The following PRR33 variants were observed in gnomAD, a reference collection of about 807,000 sequenced individuals.
PRR33 encodes the protein proline-rich protein 33.
A neutral mutation model predicts 0.5 loss-of-function variants in PRR33; 1 was observed. The ratio of observed to expected loss-of-function variants is 2.18; its 90% CI spans 0.77 to 10.34. The LOEUF is 10.34. Among genes scored for constraint, PRR33 ranks in the 30% most tolerant of loss-of-function variants. The pLI is 0.13. For synonymous variants in PRR33, 226 were observed against 110.0 expected, an observed-to-expected ratio of 2.06 and a Z score of -6.60; for missense variants, 552 against 251.8, an observed-to-expected ratio of 2.19 and a Z score of -8.07.
At chr11:1,903,536 A>T in the PRR33 span, among the ~76,000 whole-genome samples, 1 of 152,352 alleles carries the variant, frequency 6.6e-6, no homozygotes, top group East Asian at 1.9e-4. Context: ...GGCATCCCTG[A>T]TGAGGCTAAT....
exon 1 of PRR33, chr11:1,890,342 C>A (rs866562938): frequency 8.4e-6 from 6 of 714,854 alleles, no homozygotes; most frequent in Admixed American, 4.0e-5. Flanking sequence ...CAGCAGCGTG[C>A]GGGGCTGTGA....
At chr11:1,893,831 G>T (rs1460873960), upstream of PRR33, among the ~76,000 whole-genome samples, 2 of 151,346 alleles carry the variant, frequency 1.3e-5, no homozygotes, top group Non-Finnish European at 2.9e-5. Context: ...ATGTGTGGAT[G>T]GGTAGATGAA....
the PRR33 span, among the ~76,000 whole-genome samples, chr11:1,917,039 C>A: frequency 1.3e-5 from 2 of 152,244 alleles, no homozygotes; most frequent in Admixed American, 1.3e-4. Context: ...ATCTGCAGAA[C>A]GAGTCAATGA....
rs140195838 is a variant in PRR33, at chr11:1,890,809, C to T, written c.-225G>A. The T allele has an allele frequency of 1.4e-3, 822 of 580,380 alleles. 4 individuals are homozygous for T. Among genetic ancestry groups the T allele is most frequent in the Middle Eastern group, 4.1e-3 (9 of 2,174 alleles). The allele number at this position is 580,380 out of a possible 1,614,324, so 36.0% of individuals were successfully genotyped here. ...CCATCACCCTAGTGTAGAAATGAGG[C>T]CACAGAGGCCGAGTCCCTCCAGGGA... On this transcript the variant is annotated 5_prime_UTR_variant, in exon 1 of 1. An upstream open reading frame in the 5' UTR gains an earlier in-frame stop. Coordinates refer to ENST00000640310, the Ensembl canonical transcript of PRR33.
At chr11:1,897,256 A>C in the PRR33 span, among the ~76,000 whole-genome samples, 1 of 152,206 alleles carries the variant, frequency 6.6e-6, no homozygotes, top group African/African-American at 2.4e-5. This position sits in a 1 kb window ranked among gnomAD's most constrained non-coding sequence, Gnocchi z 4.0. Context: ...GCTTTACGCC[A>C]AGCTTAATTT....
chr11:1,896,898 T>C, the PRR33 span, among the ~76,000 whole-genome samples: 1 of 152,206 alleles, frequency 6.6e-6, no homozygotes, highest in Non-Finnish European at 1.5e-5. Context: ...AGAAAAACCT[T>C]AGACAAATTA....
the PRR33 span, among the ~76,000 whole-genome samples, chr11:1,903,770 C>T: frequency 6.6e-6 from 1 of 152,132 alleles, no homozygotes; most frequent in Non-Finnish European, 1.5e-5. Flanking sequence ...CTTAGATCCT[C>T]GTGATCAACT....
rs764685600 is a variant in PRR33 at position 1,890,124 on chromosome 11, A to G, written c.461T>C (p.Val154Ala). 224 of 716,986 alleles carry G rather than the reference A, an allele frequency of 3.1e-4. 3 individuals carry two copies. In the Middle Eastern group the frequency reaches 7.1e-3, roughly 23 times the overall value. The allele number at this position is 716,986 out of a possible 1,614,324, so 44.4% of individuals were successfully genotyped here. A position where few individuals can be genotyped will look rare whatever the true frequency, so the allele number is the denominator to read the frequency against. The change falls in exon 1 of 1, where the codon GTA becomes GCA. Residue 154 changes from valine (V) to alanine (A), a missense_variant. Val to Ala is a moderately conservative substitution (Grantham distance 64). Transcript: ENST00000640310. ...CCGGGTAGGTTCTGGGGCCGAGGCT[A>G]CAACCTGGGGCCCCATGGCCCTGAA...
At chr11:1,908,233 A>T in the PRR33 span, among the ~76,000 whole-genome samples, 1 of 152,160 alleles carries the variant, frequency 6.6e-6, no homozygotes, top group Admixed American at 6.5e-5. Flanking sequence ...TTCGGCTCTG[A>T]TGTTCCAAAT....
chr11:1,889,297 G>T (rs1403290054), exon 1 of PRR33: 1 of 699,950 alleles, frequency 1.4e-6, no homozygotes, highest in Non-Finnish European at 2.6e-6. Flanking sequence ...AGGCGGGTGA[G>T]GCTGGCTGGG....
chr11:1,889,335 A>G, exon 1 of PRR33: 1 of 710,890 alleles, frequency 1.4e-6, no homozygotes, highest in South Asian at 1.5e-5. Context: ...GGGCCCTGCC[A>G]GGCGCCCTTG....
chr11:1,894,253 G>A (rs1294432285), upstream of PRR33, among the ~76,000 whole-genome samples: 1 of 147,846 alleles, frequency 6.8e-6, no homozygotes, highest in Non-Finnish European at 1.5e-5. Context: ...GTGTGTGTGT[G>A]TCAGAGCCTC....
the PRR33 span, among the ~76,000 whole-genome samples, chr11:1,900,106 A>G: frequency 6.6e-6 from 1 of 152,074 alleles, no homozygotes; most frequent in Non-Finnish European, 1.5e-5. Context: ...CATGGAGTGC[A>G]GAGCATTTAA....
At chr11:1,897,925 C>T in the PRR33 span, among the ~76,000 whole-genome samples, 1 of 152,238 alleles carries the variant, frequency 6.6e-6, no homozygotes, top group African/African-American at 2.4e-5. This position sits in a 1 kb window ranked among gnomAD's most constrained non-coding sequence, Gnocchi z 4.0. Context: ...AAGCATGCTC[C>T]TTAGGTGGGG....
upstream of PRR33, among the ~76,000 whole-genome samples, chr11:1,892,947 A>G (rs1849059367): frequency 6.8e-6 from 1 of 147,418 alleles, no homozygotes; most frequent in Non-Finnish European, 1.5e-5. Flanking sequence ...TAGGGGATGG[A>G]TGAATGGATA....
chr11:1,902,904 T>C, the PRR33 span, among the ~76,000 whole-genome samples: 1 of 152,114 alleles, frequency 6.6e-6, no homozygotes, highest in Admixed American at 6.6e-5. Context: ...TTTTAGGCCA[T>C]ACAGGGTAAC....
At chr11:1,889,431 G>A (rs756200892) in exon 1 of PRR33, 2 of 666,870 alleles carry the variant, frequency 3.0e-6, no homozygotes, top group South Asian at 3.3e-5. Flanking sequence ...GGTGAGGGCG[G>A]GCACCTCCTG....
the PRR33 span, among the ~76,000 whole-genome samples, chr11:1,902,092 C>T: frequency 1.3e-5 from 2 of 152,024 alleles, no homozygotes; most frequent in South Asian, 4.1e-4. Flanking sequence ...GTTAGCCGGG[C>T]GTGGTGGCGG....
chr11:1,910,809 T>C, the PRR33 span, among the ~76,000 whole-genome samples: 1 of 152,214 alleles, frequency 6.6e-6, no homozygotes, highest in Non-Finnish European at 1.5e-5. Flanking sequence ...TTCATCCACT[T>C]TGCAGTTTTA....
Sources: allele counts gnomAD v4.1 joint callset (sites outside exome capture counted in the v4.1 genomes callset), GRCh38; gene constraint gnomAD v4.1.1; non-coding constraint Gnocchi (gnomAD v3.1); transcripts MANE v1.5; gene names NCBI Gene and HGNC (gene_info 2026-07-23, HGNC 2026-07-21).